CCDC39: variants seen among roughly 807,000 people sequenced by gnomAD.
The protein encoded by CCDC39 is coiled-coil domain 39 molecular ruler complex subunit.
A neutral mutation model predicts 121.0 loss-of-function variants in CCDC39; 113 were observed. The ratio of observed to expected loss-of-function variants is 0.93; its 90% confidence interval spans 0.80 to 1.09. The LOEUF is 1.09. Ranked by LOEUF, CCDC39 falls within the 50% of genes least tolerant of loss-of-function variation. CCDC39 has a pLI of 0.00. For missense variants in CCDC39, 1,063 were observed against 1,074.7 expected, an observed-to-expected ratio of 0.99 and a Z score of 0.15; for synonymous variants, 349 against 352.2, an observed-to-expected ratio of 0.99 and a Z score of 0.10.
chr3:180,624,812 T>G (rs1322240962), intron 14 of CCDC39, among the ~76,000 whole-genome samples: 1 of 152,188 alleles, frequency 6.6e-6, no homozygotes, highest in Non-Finnish European at 1.5e-5. Flanking sequence ...TTTTTGTTTT[T>G]GTTTTCCTTT....
At chr3:180,634,316 C>G (rs751580884) in intron 13 of CCDC39, among the ~76,000 whole-genome samples, 1 of 152,134 alleles carries the variant, frequency 6.6e-6, no homozygotes. Flanking sequence ...GTGCCTCATC[C>G]GTATTTGCAA....
chr3:180,616,914 T>C lies in CCDC39; in HGVS notation c.2318A>G (p.Glu773Gly). 6.5e-7 allele frequency: 1 copy of C among 1,546,334 alleles called. No homozygotes were observed. The highest frequency in any genetic ancestry group is 8.9e-7 in the Non-Finnish European group (1 of 1,125,982). Residue 773 changes from glutamate to glycine, a missense_variant, in exon 17 of 20, where the codon GAA becomes GGA. Transcript: ENST00000476379. ...ATAAGCCTGCTTCTCTGATAACTTT[T>C]CTTTAACATTATTTGCCAAATGTTC... Reference protein sequence around the residue: ...VIEHLANNVKEKLSEKQAYSF... With the variant: ...VIEHLANNVKGKLSEKQAYSF...
chr3:180,618,742 CT>C (rs1424661186), intron 16 of CCDC39, among the ~76,000 whole-genome samples: 1 of 151,914 alleles, frequency 6.6e-6, no homozygotes, highest in Non-Finnish European at 1.5e-5. Flanking sequence ...TGAACTCATC[CT>C]TTTTTATGGC....
At chr3:180,674,525 A>C (rs1204018325) in intron 1 of CCDC39, among the ~76,000 whole-genome samples, 1 of 152,098 alleles carries the variant, frequency 6.6e-6, no homozygotes, top group Non-Finnish European at 1.5e-5. Flanking sequence ...GTTGAATAGG[A>C]GTGGTGAGAG....
At chr3:180,678,826 T>G (rs147573341) in intron 1 of CCDC39, among the ~76,000 whole-genome samples, 1 of 152,194 alleles carries the variant, frequency 6.6e-6, no homozygotes, top group African/African-American at 2.4e-5. Flanking sequence ...CTCAAGTCAC[T>G]TTCAGCTTTA....
At chr3:180,622,133 C>A (rs1203743712) in intron 14 of CCDC39, among the ~76,000 whole-genome samples, 1 of 152,036 alleles carries the variant, frequency 6.6e-6, no homozygotes, top group Non-Finnish European at 1.5e-5. Flanking sequence ...AGCTCTTTTA[C>A]CTCCTTGGTT....
chr3:180,647,335 G>C, intron 10 of CCDC39, 92 bp from the exon 11 acceptor site: 1 of 1,097,452 alleles, frequency 9.1e-7, no homozygotes. Context: ...TTATGACTTT[G>C]GACTAGGCAT....
In CCDC39 at chr3:180,644,087, T is replaced by C. The variant is rs775159331; in HGVS notation, c.1665+33A>G. 6 of 1,466,520 alleles carry C rather than the reference T, an allele frequency of 4.1e-6. 1 individual carries two copies. In the South Asian group the frequency reaches 4.1e-5, roughly 10 times the overall value. 90.8% of individuals were successfully genotyped at this position (1,466,520 alleles called of 1,614,324 possible). ...TACAATTAACATGGAAACATGGTTT[T>C]CAATACTACATATGCATACAATTTT... On this transcript the variant is annotated intron_variant, in intron 12 of 19. Transcript: ENST00000476379.
In CCDC39 at chr3:180,619,970, C is replaced by G. The variant is rs1444492805; in HGVS notation, c.1999G>C (p.Ala667Pro). The change falls in exon 15 of 20, where the codon GCT (alanine) becomes CCT (proline). Residue 667 changes from alanine to proline, a missense_variant and splice_region_variant. Ala to Pro is a conservative substitution (Grantham distance 27, BLOSUM62 -1). Coordinates refer to ENST00000476379, the MANE Select transcript of CCDC39 (RefSeq NM_181426.2). ...TGAAGTTCTTCTTTTTCTTGAGCAG[C>G]CTATGAAGTACAGAATAGAACTGGT... is the stretch of plus-strand genomic sequence containing the variant. ...EKTQAYYVIK[A>P]AQEKEELQRE... The G allele has an allele frequency of 6.2e-7, 1 of 1,600,596 alleles. No individual in the cohort carries two copies. The highest frequency in any genetic ancestry group is 8.5e-7 in the Non-Finnish European group (1 of 1,173,018).
intron 1 of CCDC39, among the ~76,000 whole-genome samples, chr3:180,667,214 T>C (rs1383614294): frequency 6.6e-6 from 1 of 152,176 alleles, no homozygotes; most frequent in Non-Finnish European, 1.5e-5. Flanking sequence ...TAAATAAAGA[T>C]ATTTTCAGAG....
At chr3:180,617,008 T>C in intron 16 of CCDC39, 42 bp from the exon 17 acceptor site, 1 of 1,081,274 alleles carries the variant, frequency 9.2e-7, no homozygotes, top group Non-Finnish European at 1.3e-6. Flanking sequence ...GAATCAGAAA[T>C]TGACTTTTAT....
intron 13 of CCDC39, among the ~76,000 whole-genome samples, chr3:180,639,262 A>G (rs994653510): frequency 2.0e-5 from 3 of 152,182 alleles, no homozygotes; most frequent in African/African-American, 7.2e-5. Flanking sequence ...CAGTATTCAT[A>G]AAGTTTTAAT....
intron 15 of CCDC39, 138 bp from the exon 16 acceptor site, chr3:180,619,503 G>A: frequency 1.6e-6 from 1 of 623,768 alleles, no homozygotes. Context: ...AAACACTATG[G>A]GCATGTAGTA....
At chr3:180,654,581 G>A (rs1173751525) in intron 7 of CCDC39, among the ~76,000 whole-genome samples, 181 bp downstream of exon 7, 1 of 146,616 alleles carries the variant, frequency 6.8e-6, no homozygotes, top group Non-Finnish European at 1.5e-5. Flanking sequence ...TTAATCAGGG[G>A]TTTAATCAGA....
intron 8 of CCDC39, 83 bp downstream of exon 8, chr3:180,652,080 C>G (rs1711501739): frequency 1.3e-6 from 1 of 755,568 alleles, no homozygotes; most frequent in Non-Finnish European, 2.1e-6. Flanking sequence ...ATTATTTAAA[C>G]AACAAATAGT....
chr3:180,617,229 T>C, intron 16 of CCDC39: 1 of 476,876 alleles, frequency 2.1e-6, no homozygotes, highest in South Asian at 4.6e-5. Context: ...CATGAGTTTG[T>C]GGTGATGGCT....
Position 180,616,319 on chromosome 3 carries a change from C to G in CCDC39, c.2631G>C (p.Gln877His), listed in dbSNP as rs750055274. 1 of 1,613,338 alleles carries G rather than the reference C, an allele frequency of 6.2e-7. No homozygotes were observed. Among genetic ancestry groups the G allele is most frequent in the East Asian group, 2.2e-5 (1 of 44,872 alleles). Residue 877 changes from glutamine to histidine, a missense_variant, in exon 19 of 20, where the codon CAG (glutamine) becomes CAC (histidine). By Grantham distance (24) the Gln-to-His change is conservative. Coordinates refer to ENST00000476379, the MANE Select transcript of CCDC39 (RefSeq NM_181426.2). Reference protein sequence around the residue: ...LPTASTKGSRQSSRSPSHTSL... With the variant: ...LPTASTKGSRHSSRSPSHTSL... ...AAGTATGTGAAGGAGATCTAGAGCT[C>G]TGACGACTGCCTTTTGTGCTAGCTG...
chr3:180,668,404 CA>C (rs1338588691), intron 1 of CCDC39, among the ~76,000 whole-genome samples: 1 of 152,040 alleles, frequency 6.6e-6, no homozygotes, highest in Non-Finnish European at 1.5e-5. Context: ...ATGAAAAAAC[CA>C]AGGACTCTTC....
At chr3:180,664,698 CTT>C (rs535953318) in intron 1 of CCDC39, among the ~76,000 whole-genome samples, 14 of 137,256 alleles carry the variant, frequency 1.0e-4, no homozygotes, top group Admixed American at 2.2e-4. Flanking sequence ...CACAAGAGAT[CTT>C]TTTTTTTTTT....
Sources: allele counts gnomAD v4.1 joint callset (sites outside exome capture counted in the v4.1 genomes callset), GRCh38; gene constraint gnomAD v4.1.1; transcripts MANE v1.5; gene names NCBI Gene and HGNC (gene_info 2026-07-23, HGNC 2026-07-21).